Variants in FGF14 observed in about 807,000 individuals in gnomAD.
FGF14 encodes fibroblast growth factor homologous factor 4.
In FGF14, 5 loss-of-function variants were observed where a neutral mutation model predicts 25.5. That is an observed-to-expected ratio of 0.20 (90% CI 0.10 to 0.41). FGF14 has a LOEUF of 0.41. Among genes scored for constraint, FGF14 ranks in the 10% least tolerant of loss-of-function variants. The pLI is 1.00. For missense variants in FGF14, 222 were observed against 320.1 expected (o/e 0.69, Z 2.34); for synonymous variants, 138 against 118.3 (o/e 1.17, Z -1.08).
chr13:101,795,177 G>T (rs1056677268), intron 3 of FGF14, among the ~76,000 whole-genome samples: 1 of 152,068 alleles, frequency 6.6e-6, no homozygotes, highest in Non-Finnish European at 1.5e-5. Context: ...CAGACAATAT[G>T]CATTCACATG....
chr13:101,789,336 G>A (rs1251880312), intron 3 of FGF14, among the ~76,000 whole-genome samples: 1 of 151,942 alleles, frequency 6.6e-6, no homozygotes, highest in Non-Finnish European at 1.5e-5. Flanking sequence ...AGGTCAGCAA[G>A]TACCTAATAT....
rs192325943 is a variant in FGF14 at position 101,886,827 on chromosome 13, A to G, written c.194-11531T>C. Among the ~76,000 whole-genome samples the G allele has an allele frequency of 2.7e-3, 414 of 152,288 alleles. 1 individual carries two copies. Among genetic ancestry groups the G allele is most frequent in the African/African-American group, 9.3e-3 (386 of 41,584 alleles). ...GGGATTAATAACCAGAATATATAAG[A>G]AACTTGAACAATTCAACAACAACAA... On this transcript the variant is annotated intron_variant, in intron 1 of 4. Coordinates refer to ENST00000376143, the MANE Select transcript of FGF14 (RefSeq NM_004115.4).
chr13:102,052,924 G>A (rs1388101985), intron 1 of FGF14, among the ~76,000 whole-genome samples: 1 of 152,056 alleles, frequency 6.6e-6, no homozygotes, highest in Non-Finnish European at 1.5e-5. Context: ...TATGTCTTTA[G>A]TGTGATGACT....
intron 1 of FGF14, among the ~76,000 whole-genome samples, chr13:101,974,204 C>A (rs1479304091): frequency 1.3e-5 from 2 of 152,118 alleles, no homozygotes; most frequent in East Asian, 3.9e-4. Context: ...ATTTGAAGAT[C>A]CTCTCTACAG....
At chr13:102,042,022 T>C (rs2041767670) in intron 1 of FGF14, among the ~76,000 whole-genome samples, 1 of 152,146 alleles carries the variant, frequency 6.6e-6, no homozygotes. Flanking sequence ...AACAAAATGT[T>C]TGGTAACAAA....
At chr13:102,317,375 T>A (rs1275306122) in intron 1 of FGF14, among the ~76,000 whole-genome samples, 1 of 151,938 alleles carries the variant, frequency 6.6e-6, no homozygotes, top group Non-Finnish European at 1.5e-5. Flanking sequence ...AAAAAAAAGA[T>A]CCCCAAAAAC....
intron 1 of FGF14, among the ~76,000 whole-genome samples, chr13:101,963,394 C>T (rs1211302041): frequency 2.6e-5 from 4 of 152,012 alleles, no homozygotes; most frequent in Non-Finnish European, 5.9e-5. Flanking sequence ...CTTGATTCTC[C>T]ACCTTCTACA....
intron 1 of FGF14, among the ~76,000 whole-genome samples, chr13:102,094,275 A>G (rs534895758): frequency 6.6e-6 from 1 of 152,240 alleles, no homozygotes; most frequent in African/African-American, 2.4e-5. Context: ...ATGACAACTT[A>G]ATAAAGGAAG....
intron 1 of FGF14, among the ~76,000 whole-genome samples, chr13:102,137,640 AT>A (rs2046468926): frequency 6.6e-6 from 1 of 151,522 alleles, no homozygotes; most frequent in Non-Finnish European, 1.5e-5. Context: ...AGGCATAATA[AT>A]TAATAACTCC....
At chr13:102,219,364 C>T (rs142883262) in intron 1 of FGF14, among the ~76,000 whole-genome samples, 1 of 152,196 alleles carries the variant, frequency 6.6e-6, no homozygotes, top group East Asian at 1.9e-4. Flanking sequence ...GCAATGGTTA[C>T]CCCAGAGACA....
At chr13:101,933,598 C>T (rs1462264180) in intron 1 of FGF14, among the ~76,000 whole-genome samples, 1 of 152,126 alleles carries the variant, frequency 6.6e-6, no homozygotes, top group Non-Finnish European at 1.5e-5. Context: ...GGGGCGAATG[C>T]CTGTAGTCCC....
At chr13:102,238,361 G>A (rs1451154589) in intron 1 of FGF14, among the ~76,000 whole-genome samples, 2 of 152,132 alleles carry the variant, frequency 1.3e-5, no homozygotes, top group African/African-American at 4.8e-5. Flanking sequence ...GTCCTGTCTT[G>A]TATATCCTTT....
rs565128281 is a variant in FGF14, at chr13:101,745,911, G to T, written c.409-19101C>A. On this transcript the variant is annotated intron_variant, in intron 3 of 4. Coordinates refer to ENST00000376143, the MANE Select transcript of FGF14 (RefSeq NM_004115.4). ...TGGGCAGAGTGCTCGCAAGATTGTA[G>T]ATGGAGGTAAAAGTGGAAAAGGAGG... Among the ~76,000 whole-genome samples the T allele has an allele frequency of 1.6e-4, 24 of 152,150 alleles. No homozygotes were observed. The South Asian group carries it at 3.7e-3, about 24-fold the overall frequency.
intron 1 of FGF14, among the ~76,000 whole-genome samples, chr13:102,096,279 G>A (rs1463240913): frequency 6.6e-6 from 1 of 152,024 alleles, no homozygotes; most frequent in Non-Finnish European, 1.5e-5. Context: ...ATGATGAGCA[G>A]AATTAACTAG....
intron 3 of FGF14, among the ~76,000 whole-genome samples, chr13:101,813,510 A>G (rs373061866): frequency 2.6e-5 from 4 of 152,306 alleles, no homozygotes; most frequent in South Asian, 2.1e-4. Flanking sequence ...ACCAAATGCC[A>G]GTGGCTTGAT....
chr13:101,886,244 T>C (rs187915222), intron 1 of FGF14, among the ~76,000 whole-genome samples: 131 of 152,168 alleles, frequency 8.6e-4, no homozygotes, highest in African/African-American at 3.0e-3. Context: ...TAAAAATGCT[T>C]GCTATGAAGA....
intron 3 of FGF14, among the ~76,000 whole-genome samples, chr13:101,760,064 C>T (rs893068415): frequency 2.4e-4 from 36 of 152,138 alleles, no homozygotes; most frequent in Admixed American, 2.2e-3. Context: ...TGGTCTTTTC[C>T]GCACAGAATA....
intron 1 of FGF14, among the ~76,000 whole-genome samples, chr13:102,039,228 T>G (rs1279844628): frequency 6.6e-6 from 1 of 152,182 alleles, no homozygotes; most frequent in Non-Finnish European, 1.5e-5. Flanking sequence ...CCACTCATAT[T>G]TTCCCATTCA....
At chr13:101,735,415 T>C (rs928964665) in intron 3 of FGF14, among the ~76,000 whole-genome samples, 5 of 152,164 alleles carry the variant, frequency 3.3e-5, no homozygotes. Context: ...AGGAATTATA[T>C]AGCCTATCAC....
Sources: allele counts gnomAD v4.1 joint callset (sites outside exome capture counted in the v4.1 genomes callset), GRCh38; gene constraint gnomAD v4.1.1; transcripts MANE v1.5; gene names NCBI Gene and HGNC (gene_info 2026-07-23, HGNC 2026-07-21).